Variants in COL14A1 observed in about 807,000 individuals in gnomAD.
The protein encoded by COL14A1 is collagen type XIV alpha 1 chain, also known as collagen alpha-1(XIV) chain.
COL14A1 carries 136 observed loss-of-function variants against 230.3 expected under a neutral mutation model. The observed-to-expected ratio is 0.59, with a 90% CI of 0.51 to 0.68. The LOEUF is 0.68. Ranked by LOEUF, COL14A1 falls within the 30% of genes least tolerant of loss-of-function variation. COL14A1 has a pLI of 0.00. For missense variants in COL14A1, 1,976 were observed against 2,215.8 expected (o/e 0.89, Z 2.17); for synonymous variants, 792 against 784.1 (o/e 1.01, Z -0.17).
At chr8:120,291,580 A>C (rs1004717687) in intron 34 of COL14A1, among the ~76,000 whole-genome samples, 18 of 150,920 alleles carry the variant, frequency 1.2e-4, no homozygotes, top group East Asian at 5.8e-4. Context: ...AAAAAAAAAA[A>C]ACCAAAAAAC....
In COL14A1 at chr8:120,203,758, A is replaced by G; in HGVS notation, c.927A>G (p.Pro309=). 1.2e-6 allele frequency: 2 copies of G among 1,613,948 alleles called. No individual in the cohort carries two copies. Among genetic ancestry groups the G allele is most frequent in the South Asian group, 2.2e-5 (2 of 91,072 alleles). The part of the protein sequence containing the change: ...VNELQEIASE[P]DSTHVYNVAE... ...AGCTGCAGGAGATCGCCTCTGAACC[A>G]GACAGCACTCATGTGTACAATGTTG... The change falls in exon 9 of 48, where the codon CCA becomes CCG. Residue 309 remains proline, a synonymous_variant. Transcript: ENST00000297848.
chr8:120,175,580 C>T (rs537407128), intron 5 of COL14A1, among the ~76,000 whole-genome samples: 4 of 152,056 alleles, frequency 2.6e-5, no homozygotes, highest in South Asian at 2.1e-4. Context: ...GGCCCATGGG[C>T]GAAATTCAGT....
In COL14A1 at chr8:120,198,906, C is replaced by A. The variant is rs6987610; in HGVS notation, c.713-496C>A. ...CACAAATCCTACAACAATATTGCAC[C>A]ATTTCTTATTTTTTTCTGGATGGAA... On this transcript the variant is annotated intron_variant, in intron 7 of 47. Coordinates refer to ENST00000297848, the MANE Select transcript of COL14A1 (RefSeq NM_021110.4). Among the ~76,000 whole-genome samples the A allele has an allele frequency of 4.7e-3, 710 of 152,190 alleles. 4 individuals carry two copies. The highest frequency in any genetic ancestry group is 0.015 in the African/African-American group (623 of 41,516).
Position 120,162,613 on chromosome 8 carries a change from C to T in COL14A1, c.349+44C>T, listed in dbSNP as rs113878211. 1.3e-3 allele frequency: 1,993 copies of T among 1,499,070 alleles called. 11 individuals are homozygous for T. In the African/African-American group the frequency reaches 0.017, roughly 13 times the overall value. The allele number at this position is 1,499,070 out of a possible 1,614,324, so 92.9% of individuals were successfully genotyped here. A position where few individuals can be genotyped will look rare whatever the true frequency, so the allele number is the denominator to read the frequency against. ...CAAAGCACCTCCGCAGGACTCTGTCCCAGCCTTGGATTTGAGTCTGTGATA... is the reference window on the plus strand; with the variant it reads ...CAAAGCACCTCCGCAGGACTCTGTCTCAGCCTTGGATTTGAGTCTGTGATA... On this transcript the variant is annotated intron_variant, in intron 4 of 47. Transcript: ENST00000297848.
At position 120,333,603 on chromosome 8, in the gene COL14A1, C is replaced by T. The variant is rs112353071; in HGVS notation, c.4785+868C>T. Reference sequence around the variant, plus strand: ...CATCTAGTGAATTAGATTCCTGTTACCACTTAACAAATTGCCACAATCTCA... The same window carrying T: ...CATCTAGTGAATTAGATTCCTGTTATCACTTAACAAATTGCCACAATCTCA... On this transcript the variant is annotated intron_variant, in intron 42 of 47. Transcript: ENST00000297848. 7.2e-3 allele frequency among the ~76,000 whole-genome samples: 1,103 copies of T among 152,356 alleles called. 21 individuals are homozygous for T. Among genetic ancestry groups the T allele is most frequent in the African/African-American group, 0.024 (1,015 of 41,580 alleles).
intron 34 of COL14A1, among the ~76,000 whole-genome samples, chr8:120,291,816 A>G (rs925050532): frequency 4.6e-5 from 7 of 152,050 alleles, no homozygotes; most frequent in African/African-American, 1.7e-4. Context: ...TGATAGTCAC[A>G]TACTATTTTG....
chr8:120,155,381 C>T (rs749223747), intron 2 of COL14A1, among the ~76,000 whole-genome samples: 1 of 152,090 alleles, frequency 6.6e-6, no homozygotes, highest in Non-Finnish European at 1.5e-5. Context: ...TCCACGTTGC[C>T]CTCATTTTCT....
intron 5 of COL14A1, among the ~76,000 whole-genome samples, chr8:120,189,861 C>T: frequency 6.6e-6 from 1 of 152,074 alleles, no homozygotes; most frequent in Non-Finnish European, 1.5e-5. Context: ...ATATGTGCCA[C>T]ATTTTCTTAA....
chr8:120,226,596 C>G lies in COL14A1; in HGVS notation c.1865-31C>G, dbSNP rs369509524. ...TTTTGGCTTTCTTGCCTTCTCATTTCCCTAACAAAACCTCCTTCCTCGGTT... is the reference window on the plus strand; with the variant it reads ...TTTTGGCTTTCTTGCCTTCTCATTTGCCTAACAAAACCTCCTTCCTCGGTT... On this transcript the variant is annotated intron_variant, in intron 15 of 47. Transcript: ENST00000297848. 8.7e-6 allele frequency: 14 copies of G among 1,609,840 alleles called. No homozygotes were observed. The African/African-American group carries it at 1.9e-4, about 22-fold the overall frequency.
intron 34 of COL14A1, among the ~76,000 whole-genome samples, chr8:120,290,040 T>A (rs1343920317): frequency 6.6e-6 from 1 of 152,208 alleles, no homozygotes; most frequent in Non-Finnish European, 1.5e-5. Context: ...GTTTATTTTC[T>A]AAGTGCATTT....
chr8:120,238,042 G>A (rs1269157396), intron 19 of COL14A1, among the ~76,000 whole-genome samples: 1 of 152,150 alleles, frequency 6.6e-6, no homozygotes, highest in Non-Finnish European at 1.5e-5. Context: ...TGTATGAAGT[G>A]TCTGTCGACT....
chr8:120,295,504 A>G (rs1157579480), intron 34 of COL14A1, among the ~76,000 whole-genome samples: 1 of 151,868 alleles, frequency 6.6e-6, no homozygotes, highest in Non-Finnish European at 1.5e-5. Context: ...ATTTCTGCAA[A>G]TGTTTGTTGC....
intron 40 of COL14A1, among the ~76,000 whole-genome samples, chr8:120,321,997 A>G (rs1821467641): frequency 6.6e-6 from 1 of 152,136 alleles, no homozygotes; most frequent in Non-Finnish European, 1.5e-5. Flanking sequence ...TCTTTGATAG[A>G]CTATTGCTGG....
chr8:120,210,695 G>A (rs1353578416), intron 12 of COL14A1, among the ~76,000 whole-genome samples: 1 of 152,176 alleles, frequency 6.6e-6, no homozygotes, highest in African/African-American at 2.4e-5. Flanking sequence ...ACTTGGAAGT[G>A]TAATGACCAG....
chr8:120,322,396 T>C (rs1411764130), intron 40 of COL14A1, among the ~76,000 whole-genome samples: 1 of 152,168 alleles, frequency 6.6e-6, no homozygotes, highest in African/African-American at 2.4e-5. Flanking sequence ...AATAAAATAG[T>C]ATATGTGGTA....
At chr8:120,203,090 G>T (rs1817308168) in intron 8 of COL14A1, among the ~76,000 whole-genome samples, 1 of 147,644 alleles carries the variant, frequency 6.8e-6, no homozygotes, top group Non-Finnish European at 1.5e-5. Flanking sequence ...AGCTTTGATA[G>T]TTTAGGATGC....
At chr8:120,149,504 C>T (rs1408630583) in intron 2 of COL14A1, among the ~76,000 whole-genome samples, 1 of 152,100 alleles carries the variant, frequency 6.6e-6, no homozygotes, top group African/African-American at 2.4e-5. Flanking sequence ...CTCCAGGATA[C>T]AAGACACAGA....
At chr8:120,197,669 A>T in intron 6 of COL14A1, 142 bp from the exon 7 acceptor site, 1 of 729,914 alleles carries the variant, frequency 1.4e-6, no homozygotes, top group African/African-American at 1.8e-5. Context: ...TACTCAGCAA[A>T]TCTTTTTGAA....
intron 19 of COL14A1, 196 bp downstream of exon 19, chr8:120,231,814 G>T (rs1257664887): frequency 1.8e-6 from 1 of 559,674 alleles, no homozygotes; most frequent in Non-Finnish European, 3.0e-6. Context: ...CTTGCTCCAT[G>T]TACAACTTGC....
Sources: gnomAD v4.1 joint callset for allele counts (sites outside exome capture counted in the v4.1 genomes callset) on GRCh38, gnomAD v4.1.1 for gene constraint, MANE v1.5 for transcripts, NCBI Gene and HGNC (gene_info 2026-07-23, HGNC 2026-07-21) for gene names.